The following NBR1 variants were observed in gnomAD, a reference collection of about 807,000 sequenced individuals.
NBR1 encodes the protein next to BRCA1 gene 1 protein.
NBR1 carries 59 observed loss-of-function variants against 115.5 expected under a neutral mutation model. That is an observed-to-expected ratio of 0.51 (90% CI 0.41 to 0.63). NBR1 has a LOEUF of 0.63. Ranked by LOEUF, NBR1 falls within the 30% of genes least tolerant of loss-of-function variation. NBR1 has a pLI of 0.00. For missense variants in NBR1, 1,043 were observed against 1,150.5 expected (o/e 0.91, Z 1.35); for synonymous variants, 373 against 414.7 (o/e 0.90, Z 1.22).
At chr17:43,192,710 T>C (rs189381243) in intron 10 of NBR1, among the ~76,000 whole-genome samples, 28 of 152,258 alleles carry the variant, frequency 1.8e-4, no homozygotes, top group Non-Finnish European at 3.4e-4. Context: ...GTTTCCTTCT[T>C]CAGAAAGATA....
rs1448075871 is a variant in NBR1, at chr17:43,211,483, C to T, written c.*1409C>T. 6.6e-6 allele frequency: 1 copy of T among 152,528 alleles called. No homozygotes were observed. Among genetic ancestry groups the T allele is most frequent in the Non-Finnish European group, 1.5e-5 (1 of 68,036 alleles). 9.4% of individuals were successfully genotyped at this position (152,528 alleles called of 1,614,324 possible). A position where few individuals can be genotyped will look rare whatever the true frequency, so the allele number is the denominator to read the frequency against. ...GATTCAAACTGCAAGCCAGCCAGGC[C>T]GTTCATTATTTAAAACGTTTTAATC... On this transcript the variant is annotated 3_prime_UTR_variant, in exon 21 of 21. Transcript: ENST00000590996.
At chr17:43,204,325 T>A (rs918420352) in intron 20 of NBR1, among the ~76,000 whole-genome samples, 6 of 152,068 alleles carry the variant, frequency 3.9e-5, no homozygotes, top group East Asian at 3.9e-4. Context: ...TCTATTAATA[T>A]TTTCTATAGA....
chr17:43,176,116 T>A (rs1245727403), intron 2 of NBR1: 3 of 438,358 alleles, frequency 6.8e-6, no homozygotes, highest in African/African-American at 4.1e-5. Context: ...TTTGAACATT[T>A]TAGAAAGGGA....
At chr17:43,195,409 T>A (rs2057043328) in intron 14 of NBR1, 1 of 247,944 alleles carries the variant, frequency 4.0e-6, no homozygotes, top group African/African-American at 2.4e-5. Flanking sequence ...CCCAGCACTT[T>A]GGGAGGCTGA....
upstream of NBR1, chr17:43,171,028 G>A (rs2056343217): frequency 6.6e-6 from 1 of 152,290 alleles, no homozygotes; most frequent in African/African-American, 2.4e-5. Flanking sequence ...CGCACTCCTA[G>A]TTCCGCCCCT....
chr17:43,182,875 T>C (rs1032844869), intron 5 of NBR1, among the ~76,000 whole-genome samples: 3 of 151,694 alleles, frequency 2.0e-5, no homozygotes, highest in Non-Finnish European at 2.9e-5. Context: ...GTGATGTTCC[T>C]GCTTCAGCCT....
In NBR1 at chr17:43,196,984, C is replaced by G. The variant is rs1446198814; in HGVS notation, c.1904C>G (p.Ser635Cys). ...AAGAGGAAGGCTGAGAACATTGCTTCTGTGGAGGAAGCAGAAGAAGACCTG... is the reference window on the plus strand; with the variant it reads ...AAGAGGAAGGCTGAGAACATTGCTTGTGTGGAGGAAGCAGAAGAAGACCTG... ...SVKRKAENIA[S>C]VEEAEEDLSG... The change falls in exon 16 of 21, where the codon TCT becomes TGT. Residue 635 changes from serine (S) to cysteine (C), a missense_variant. Ser to Cys is a moderately radical substitution (Grantham distance 112). Transcript: ENST00000590996. 1 of 1,614,008 alleles carries G rather than the reference C, an allele frequency of 6.2e-7. No homozygotes were observed. The highest frequency in any genetic ancestry group is 1.7e-5 in the Admixed American group (1 of 60,006).
Position 43,194,470 on chromosome 17 carries a change from A to G in NBR1, c.1645A>G (p.Ile549Val), listed in dbSNP as rs1434608802. Residue 549 changes from isoleucine to valine, a missense_variant, in exon 13 of 21, where the codon ATC becomes GTC. By Grantham distance (29) the Ile-to-Val change is conservative. Coordinates refer to ENST00000590996, the MANE Select transcript of NBR1 (RefSeq NM_005899.5). ...TGTTGCCAGTGAGAGGGAGCTCTAC[A>G]TCCCATCTGTGGATCTTCTGACTGC... Reference protein sequence around the residue: ...KNVASERELYIPSVDLLTAQD... With the variant: ...KNVASERELYVPSVDLLTAQD... 7 of 1,614,000 alleles carry G rather than the reference A, an allele frequency of 4.3e-6. No individual in the cohort carries two copies. The highest frequency in any genetic ancestry group is 1.7e-4 in the Middle Eastern group (1 of 6,060).
At chr17:43,202,815 A>C (rs553957995) in intron 19 of NBR1, 103 bp downstream of exon 19, 1 of 860,558 alleles carries the variant, frequency 1.2e-6, no homozygotes, top group Non-Finnish European at 1.8e-6. Flanking sequence ...TTCAGAGAGC[A>C]GAGAAGGGGA....
At chr17:43,172,597 T>C (rs1463289347) in intron 1 of NBR1, among the ~76,000 whole-genome samples, 4 of 152,132 alleles carry the variant, frequency 2.6e-5, no homozygotes, top group Non-Finnish European at 5.9e-5. Context: ...TTACATTTCA[T>C]ATGAATGAAT....
At position 43,177,873 on chromosome 17, in the gene NBR1, T is replaced by G. The variant is rs1204959618; in HGVS notation, c.103-63T>G. ...GTTGTTTGTCTTTTGATTTTGTGGG[T>G]TTTTTTTACTTTGACTTCTGTGTAC... On this transcript the variant is annotated intron_variant, in intron 2 of 20. Transcript: ENST00000590996. 1.7e-5 allele frequency: 22 copies of G among 1,285,952 alleles called. No individual in the cohort carries two copies. The East Asian group carries it at 3.7e-4, about 22-fold the overall frequency. 79.7% of individuals were successfully genotyped at this position (1,285,952 alleles called of 1,614,324 possible).
At chr17:43,202,539 A>AT in intron 18 of NBR1, 116 bp from the exon 19 acceptor site, 2 of 615,052 alleles carry the variant, frequency 3.3e-6, no homozygotes, top group Non-Finnish European at 5.5e-6. Flanking sequence ...AAAAAAAAAA[A>AT]GACTTCAAAC....
chr17:43,199,242 A>T (rs1404982174), intron 16 of NBR1, among the ~76,000 whole-genome samples: 6 of 146,322 alleles, frequency 4.1e-5, no homozygotes, highest in Middle Eastern at 3.5e-3. Context: ...AATGAGCTAA[A>T]TTTTTTTTTT....
At chr17:43,188,558 G>A (rs2154582150) in intron 6 of NBR1, among the ~76,000 whole-genome samples, 1 of 152,252 alleles carries the variant, frequency 6.6e-6, no homozygotes, top group South Asian at 2.1e-4. Flanking sequence ...AAATGGTATT[G>A]CCTAGGTTTT....
intron 20 of NBR1, among the ~76,000 whole-genome samples, 171 bp downstream of exon 20, chr17:43,203,957 A>C (rs1338226980): frequency 1.7e-5 from 2 of 115,208 alleles, no homozygotes; most frequent in Admixed American, 1.8e-4. Context: ...TTTTTTTTTG[A>C]GACGAAGTCT....
chr17:43,194,293 C>T, intron 12 of NBR1, 57 bp from the exon 13 acceptor site: 1 of 1,473,624 alleles, frequency 6.8e-7, no homozygotes, highest in Non-Finnish European at 9.1e-7. Context: ...CATTGTCAGC[C>T]TGCCTCTTCA....
intron 2 of NBR1, 29 bp downstream of exon 2, chr17:43,175,930 T>A: frequency 7.8e-7 from 1 of 1,283,962 alleles, no homozygotes; most frequent in Non-Finnish European, 1.1e-6. Flanking sequence ...TGTTTCTCCT[T>A]GGTTTAAGCA....
At chr17:43,171,163 G>A (rs189151603), upstream of NBR1, 1 of 152,794 alleles carries the variant, frequency 6.5e-6, no homozygotes, top group Admixed American at 6.5e-5. Context: ...AATCATCTTG[G>A]CGAACACTCG....
At chr17:43,194,593 G>T in intron 13 of NBR1, 94 bp downstream of exon 13, 4 of 1,381,980 alleles carry the variant, frequency 2.9e-6, no homozygotes, top group Non-Finnish European at 4.0e-6. Context: ...GGAAATCAGA[G>T]ATATGCCCAC....
Sources: gnomAD v4.1 joint callset for allele counts (sites outside exome capture counted in the v4.1 genomes callset) on GRCh38, gnomAD v4.1.1 for gene constraint, MANE v1.5 for transcripts, NCBI Gene and HGNC (gene_info 2026-07-23, HGNC 2026-07-21) for gene names.